LURAP1: variants seen among roughly 807,000 people sequenced by gnomAD.
LURAP1 encodes the protein leucine rich adaptor protein 1, also known as NF-kappa-B activator C1orf190.
Under a neutral mutation model 19.0 loss-of-function variants are expected in LURAP1, and 14 were observed. That is an observed-to-expected ratio of 0.74 (90% CI 0.49 to 1.15). LURAP1 has a LOEUF of 1.15. Ranked by LOEUF, LURAP1 falls within the 50% of genes most tolerant of loss-of-function variation. The pLI, the probability that LURAP1 is intolerant of heterozygous loss-of-function variation, is 0.00. For synonymous variants in LURAP1, 129 were observed against 131.8 expected (o/e 0.98, Z 0.14); for missense variants, 273 against 309.1 (o/e 0.88, Z 0.87).
intron 1 of LURAP1, among the ~76,000 whole-genome samples, chr1:46,204,398 C>G (rs1306141058): frequency 6.6e-6 from 1 of 152,206 alleles, no homozygotes; most frequent in African/African-American, 2.4e-5. Context: ...GGCAGGTTCC[C>G]CAGGGCCCTG....
chr1:46,219,630 T>C, intron 1 of LURAP1, 69 bp from the exon 2 acceptor site: 1 of 1,479,010 alleles, frequency 6.8e-7, no homozygotes. Context: ...CACAAGGTAG[T>C]GGCCTGTGGA....
intron 1 of LURAP1, among the ~76,000 whole-genome samples, chr1:46,213,471 G>A (rs1238889017): frequency 6.6e-6 from 1 of 151,760 alleles, no homozygotes; most frequent in Non-Finnish European, 1.5e-5. Flanking sequence ...CCATTGTTAC[G>A]TGACAAATGA....
chr1:46,219,099 C>G (rs1659151582), intron 1 of LURAP1, among the ~76,000 whole-genome samples: 1 of 151,998 alleles, frequency 6.6e-6, no homozygotes, highest in South Asian at 2.1e-4. Context: ...GGGTTTGAGA[C>G]CAGCCTGACC....
chr1:46,214,740 C>G (rs1444294735), intron 1 of LURAP1, among the ~76,000 whole-genome samples: 1 of 151,840 alleles, frequency 6.6e-6, no homozygotes, highest in African/African-American at 2.4e-5. Context: ...GTGGCAGACA[C>G]CTGTAATTCC....
chr1:46,211,340 A>C (rs964365538), intron 1 of LURAP1, among the ~76,000 whole-genome samples: 2 of 152,040 alleles, frequency 1.3e-5, no homozygotes, highest in Non-Finnish European at 2.9e-5. Flanking sequence ...GGTCAGAAAG[A>C]GACTGTTTCC....
rs535142828 is a variant in LURAP1 at position 46,219,200 on chromosome 1, C to T, written c.199-499C>T. Among the ~76,000 whole-genome samples the T allele has an allele frequency of 1.6e-3, 236 of 151,706 alleles. 1 individual carries two copies. The highest frequency in any genetic ancestry group is 3.0e-3 in the Non-Finnish European group (203 of 67,976). On this transcript the variant is annotated intron_variant, in intron 1 of 1. Transcript: ENST00000371980. Reference sequence around the variant, plus strand: ...ATCCCAGCTAATTGGGAGACTGAGGCAGGAGAATCGCTTGAACCCAGGAGG... The same window carrying T: ...ATCCCAGCTAATTGGGAGACTGAGGTAGGAGAATCGCTTGAACCCAGGAGG...
intron 1 of LURAP1, among the ~76,000 whole-genome samples, chr1:46,208,641 G>A (rs1376915315): frequency 6.6e-6 from 1 of 151,994 alleles, no homozygotes; most frequent in African/African-American, 2.4e-5. Context: ...TCAGGAGTTC[G>A]AGACCAGCCT....
In LURAP1 at chr1:46,209,549, C is replaced by CTT. The variant is rs397745964; in HGVS notation, c.198+5937_198+5938dup. Among the ~76,000 whole-genome samples, 108 of 127,516 alleles carry CTT rather than the reference C, an allele frequency of 8.5e-4. 2 individuals carry two copies. Among genetic ancestry groups the CTT allele is most frequent in the South Asian group, 2.2e-3 (9 of 4,176 alleles). 83.7% of individuals were successfully genotyped at this position (127,516 alleles called of 152,430 possible). A position where few individuals can be genotyped will look rare whatever the true frequency, so the allele number is the denominator to read the frequency against. On this transcript the variant is annotated intron_variant, in intron 1 of 1. Transcript: ENST00000371980. Reference sequence around the variant, plus strand: ...CTGTTGTTGTTTTCTTTTTTTTTTTCTTTTTTTTTTTTTGAGATGGAGTCT... The same window carrying CTT: ...CTGTTGTTGTTTTCTTTTTTTTTTTCTTTTTTTTTTTTTTTGAGATGGAGTCT...
At chr1:46,211,788 G>C (rs1007050194) in intron 1 of LURAP1, among the ~76,000 whole-genome samples, 1 of 151,868 alleles carries the variant, frequency 6.6e-6, no homozygotes, top group South Asian at 2.1e-4. Flanking sequence ...TTTTTGAGAC[G>C]GAGTCTTGCT....
intron 1 of LURAP1, among the ~76,000 whole-genome samples, chr1:46,204,600 TG>T (rs1179697990): frequency 1.3e-5 from 2 of 152,156 alleles, no homozygotes; most frequent in Non-Finnish European, 2.9e-5. Context: ...ATGGGGGCTC[TG>T]AGACCAGCCA....
intron 1 of LURAP1, among the ~76,000 whole-genome samples, chr1:46,212,639 C>T (rs974597535): frequency 6.6e-6 from 1 of 151,866 alleles, no homozygotes; most frequent in African/African-American, 2.4e-5. Flanking sequence ...TACAGTGGCA[C>T]CATCTCAGCT....
Position 46,203,402 on chromosome 1 carries a change from C to T in LURAP1, c.-25C>T. The T allele has an allele frequency of 2.1e-6, 3 of 1,437,470 alleles. No homozygotes were observed. The highest frequency in any genetic ancestry group is 1.5e-5 in the South Asian group (1 of 65,888). 89.0% of individuals were successfully genotyped at this position (1,437,470 alleles called of 1,614,324 possible). Reference sequence around the variant, plus strand: ...AGCCGGTCCCCGGCGTCCGGTCGCCCAGCCCTTTTCAGGCTTGGGCCCGCA... The same window carrying T: ...AGCCGGTCCCCGGCGTCCGGTCGCCTAGCCCTTTTCAGGCTTGGGCCCGCA... On this transcript the variant is annotated 5_prime_UTR_variant, in exon 1 of 2. Transcript: ENST00000371980.
chr1:46,211,150 T>C (rs1407110706), intron 1 of LURAP1, among the ~76,000 whole-genome samples: 1 of 152,104 alleles, frequency 6.6e-6, no homozygotes, highest in African/African-American at 2.4e-5. Context: ...CAAAATGTTA[T>C]TGGACAAAAA....
In LURAP1 at chr1:46,203,592, G is replaced by C; in HGVS notation, c.166G>C (p.Gly56Arg). The C allele has an allele frequency of 6.3e-7, 1 of 1,591,162 alleles. No individual in the cohort carries two copies. ...PGASSTGHDL[G>R]DKIMALKMEL... ...GGCGTCTAGCACCGGCCACGACTTG[G>C]GGGACAAGATCATGGCGCTGAAGAT... Residue 56 changes from glycine to arginine, a missense_variant, in exon 1 of 2, where the codon GGG becomes CGG. Gly to Arg is a moderately radical substitution (Grantham distance 125). Coordinates refer to ENST00000371980, the MANE Select transcript of LURAP1 (RefSeq NM_001013615.3).
Position 46,203,374 on chromosome 1 carries a change from G to C in LURAP1, c.-53G>C. ...TAGCAGCGGCGAAGGGAGGACCCCC[G>C]GGAGCCGGTCCCCGGCGTCCGGTCG... On this transcript the variant is annotated 5_prime_UTR_variant, in exon 1 of 2. Transcript: ENST00000371980. 3 of 1,426,144 alleles carry C rather than the reference G, an allele frequency of 2.1e-6. No homozygotes were observed. The highest frequency in any genetic ancestry group is 2.7e-5 in the East Asian group (1 of 36,676). The allele number at this position is 1,426,144 out of a possible 1,614,324, so 88.3% of individuals were successfully genotyped here.
Position 46,215,030 on chromosome 1 carries a change from T to A in LURAP1, c.199-4669T>A, listed in dbSNP as rs1318548389. Among the ~76,000 whole-genome samples, 5 of 151,864 alleles carry A rather than the reference T, an allele frequency of 3.3e-5. No homozygotes were observed. The East Asian group carries it at 7.8e-4, about 24-fold the overall frequency. On this transcript the variant is annotated intron_variant, in intron 1 of 1. Coordinates refer to ENST00000371980, the MANE Select transcript of LURAP1 (RefSeq NM_001013615.3). ...TCACAAGGTCAGGAGATTGAAACCA[T>A]CCTGGCTAACATGGTGAAACCCTGT...
intron 1 of LURAP1, among the ~76,000 whole-genome samples, chr1:46,210,042 T>C (rs1658844877): frequency 6.6e-6 from 1 of 152,218 alleles, no homozygotes; most frequent in Admixed American, 6.5e-5. Context: ...CTGTACAGTC[T>C]GATATTGCAG....
rs1482560812 is a variant in LURAP1 at position 46,220,440 on chromosome 1, CT to C, written c.*227del. ...TAGCTTGCTCTTTCTTTCTTTCTTTCTTTTTTTGAGACAGGGTCTTATGCTG... is the reference window on the plus strand; with the variant it reads ...TAGCTTGCTCTTTCTTTCTTTCTTTCTTTTTTGAGACAGGGTCTTATGCTG... On this transcript the variant is annotated 3_prime_UTR_variant, in exon 2 of 2. Coordinates refer to ENST00000371980, the MANE Select transcript of LURAP1 (RefSeq NM_001013615.3). The C allele has an allele frequency of 1.1e-5, 6 of 531,776 alleles. No homozygotes were observed. The highest frequency in any genetic ancestry group is 6.4e-5 in the East Asian group (2 of 31,348). The allele number at this position is 531,776 out of a possible 1,614,324, so 32.9% of individuals were successfully genotyped here.
In LURAP1 at chr1:46,219,965, G is replaced by A. The variant is rs1571694231; in HGVS notation, c.465G>A (p.Glu155=). 5.0e-6 allele frequency: 8 copies of A among 1,614,286 alleles called. No homozygotes were observed. Among genetic ancestry groups the A allele is most frequent in the African/African-American group, 4.0e-5 (3 of 75,086 alleles). ...TCCTGGACACAGTGGCCCCCAGCGA[G>A]CTGGATGAACAGGGCCCACCTGGGG... ...GSFLDTVAPS[E]LDEQGPPGAP... is the part of the protein sequence containing the mutation. Residue 155 remains glutamate, a synonymous_variant, in exon 2 of 2, where the codon GAG becomes GAA. Coordinates refer to ENST00000371980, the MANE Select transcript of LURAP1 (RefSeq NM_001013615.3).
Sources: allele counts gnomAD v4.1 joint callset (sites outside exome capture counted in the v4.1 genomes callset), GRCh38; gene constraint gnomAD v4.1.1; transcripts MANE v1.5; gene names NCBI Gene and HGNC (gene_info 2026-07-23, HGNC 2026-07-21).